Variants in B3GLCT observed in about 807,000 individuals in gnomAD.
B3GLCT encodes the protein beta 3-glucosyltransferase.
In B3GLCT, 65 loss-of-function variants were observed where a neutral mutation model predicts 63.4. The observed-to-expected ratio is 1.03, with a 90% CI of 0.84 to 1.26. The LOEUF (loss-of-function observed/expected upper bound fraction) is 1.26. Ranked by LOEUF, B3GLCT falls within the 50% of genes most tolerant of loss-of-function variation. The pLI is 0.00. For synonymous variants in B3GLCT, 233 were observed against 219.2 expected (o/e 1.06, Z -0.55); for missense variants, 577 against 604.8 (o/e 0.95, Z 0.48).
intron 6 of B3GLCT, 35 bp from the exon 7 acceptor site, chr13:31,260,911 T>C: frequency 6.3e-7 from 1 of 1,599,394 alleles, no homozygotes; most frequent in Non-Finnish European, 8.6e-7. Context: ...GAAATGATTG[T>C]TTTTAAAGTG....
chr13:31,319,390 A>ATAAACCACCAGCCTCC (rs1875215010), intron 13 of B3GLCT, among the ~76,000 whole-genome samples: 1 of 151,742 alleles, frequency 6.6e-6, no homozygotes, highest in Non-Finnish European at 1.5e-5. Flanking sequence ...TCTAAGAGTC[A>ATAAACCACCAGCCTCC]TAAACTCCCA....
At chr13:31,286,941 G>A in intron 12 of B3GLCT, 122 bp downstream of exon 12, 4 of 633,754 alleles carry the variant, frequency 6.3e-6, no homozygotes, top group Non-Finnish European at 5.5e-6. Context: ...CCTTCTATCT[G>A]AACCAATCCT....
At chr13:31,234,401 A>G (rs1870539145) in intron 4 of B3GLCT, among the ~76,000 whole-genome samples, 1 of 152,132 alleles carries the variant, frequency 6.6e-6, no homozygotes, top group African/African-American at 2.4e-5. Flanking sequence ...ACCATGGTGA[A>G]GTGGGGCAGG....
intron 4 of B3GLCT, among the ~76,000 whole-genome samples, chr13:31,239,347 C>T (rs1870816585): frequency 2.0e-5 from 3 of 151,878 alleles, no homozygotes; most frequent in East Asian, 3.9e-4. Context: ...GTGAAGTGAT[C>T]GAGACTGACT....
At chr13:31,213,624 C>CCCCCCCCCCCCCA (rs1555244560) in intron 1 of B3GLCT, among the ~76,000 whole-genome samples, 3 of 73,024 alleles carry the variant, frequency 4.1e-5, no homozygotes, top group Admixed American at 1.3e-4. Context: ...CCACCCCACC[C>CCCCCCCCCCCCCA]CCCCCCCCCG....
At chr13:31,262,666 C>G (rs1872096692) in intron 7 of B3GLCT, among the ~76,000 whole-genome samples, 1 of 152,186 alleles carries the variant, frequency 6.6e-6, no homozygotes, top group African/African-American at 2.4e-5. Flanking sequence ...GTCCAGCAGC[C>G]TTATGTTTGG....
intron 14 of B3GLCT, among the ~76,000 whole-genome samples, chr13:31,328,657 CA>C (rs1356594231): frequency 8.1e-6 from 1 of 123,936 alleles, no homozygotes; most frequent in Admixed American, 1.0e-4. Context: ...TGCCCCACTG[CA>C]CTCCAGCCTG....
At chr13:31,320,647 C>T (rs762092590) in intron 13 of B3GLCT, among the ~76,000 whole-genome samples, 4 of 152,210 alleles carry the variant, frequency 2.6e-5, no homozygotes, top group Non-Finnish European at 4.4e-5. Flanking sequence ...CTCCCATTGC[C>T]TTTAGGATCA....
intron 12 of B3GLCT, among the ~76,000 whole-genome samples, chr13:31,309,311 G>A (rs1874574774): frequency 6.6e-6 from 1 of 152,152 alleles, no homozygotes; most frequent in Non-Finnish European, 1.5e-5. Context: ...AGACTTCTGT[G>A]ACCCTGAAAT....
chr13:31,248,325 A>AT (rs1871283446), intron 6 of B3GLCT, among the ~76,000 whole-genome samples: 1 of 152,152 alleles, frequency 6.6e-6, no homozygotes. Context: ...TTAGATAGAA[A>AT]ATTTTTTTTG....
At chr13:31,235,484 G>A (rs1355234638) in intron 4 of B3GLCT, among the ~76,000 whole-genome samples, 3 of 152,044 alleles carry the variant, frequency 2.0e-5, no homozygotes, top group African/African-American at 7.3e-5. Flanking sequence ...ACAGAGAGGA[G>A]GGGCAGTGTG....
chr13:31,266,064 G>A (rs754948060), intron 7 of B3GLCT, among the ~76,000 whole-genome samples: 4 of 151,928 alleles, frequency 2.6e-5, no homozygotes, highest in South Asian at 4.1e-4. Context: ...CAGTGGCGCA[G>A]TCTCGCTCAC....
chr13:31,288,138 A>G (rs544576124), intron 12 of B3GLCT, among the ~76,000 whole-genome samples: 1 of 152,300 alleles, frequency 6.6e-6, no homozygotes, highest in East Asian at 1.9e-4. Flanking sequence ...AATGAACCCC[A>G]GGCACACCAT....
At chr13:31,245,129 G>A (rs761135485) in intron 4 of B3GLCT, among the ~76,000 whole-genome samples, 7 of 152,110 alleles carry the variant, frequency 4.6e-5, no homozygotes, top group Non-Finnish European at 7.4e-5. Flanking sequence ...TCTAGGATGT[G>A]ATTCCTTGTT....
intron 12 of B3GLCT, among the ~76,000 whole-genome samples, chr13:31,317,073 C>T (rs943034042): frequency 1.3e-5 from 2 of 152,364 alleles, no homozygotes; most frequent in Admixed American, 6.5e-5. Flanking sequence ...CCCAAATTCT[C>T]TTCCCCACCT....
chr13:31,227,975 C>T (rs1049650521), intron 3 of B3GLCT, among the ~76,000 whole-genome samples: 5 of 152,188 alleles, frequency 3.3e-5, no homozygotes, highest in Admixed American at 2.6e-4. Flanking sequence ...GTTATAGGCC[C>T]AGAACCTGGG....
intron 3 of B3GLCT, among the ~76,000 whole-genome samples, chr13:31,225,320 A>T (rs1193885644): frequency 6.6e-6 from 1 of 152,226 alleles, no homozygotes; most frequent in Non-Finnish European, 1.5e-5. Flanking sequence ...ACTGGGCAGC[A>T]GGAGCTTAAG....
chr13:31,221,337 C>G (rs563387030), intron 2 of B3GLCT, among the ~76,000 whole-genome samples: 20 of 152,292 alleles, frequency 1.3e-4, no homozygotes, highest in African/African-American at 4.6e-4. Context: ...TGAGGCTGGC[C>G]CCTTCCCTGA....
chr13:31,251,944 A>G (rs1045079555), intron 6 of B3GLCT, among the ~76,000 whole-genome samples: 4 of 151,988 alleles, frequency 2.6e-5, no homozygotes, highest in Non-Finnish European at 4.4e-5. Context: ...AATGAAGGAA[A>G]AAAATGTTAA....
Sources: allele counts gnomAD v4.1 joint callset (sites outside exome capture counted in the v4.1 genomes callset), GRCh38; gene constraint gnomAD v4.1.1; transcripts MANE v1.5; gene names NCBI Gene and HGNC (gene_info 2026-07-23, HGNC 2026-07-21).